Variants in KIAA1328 observed in about 807,000 individuals in gnomAD.
KIAA1328 encodes KIAA1328, also known as protein hinderin.
KIAA1328 carries 52 observed loss-of-function variants against 68.1 expected under a neutral mutation model. The observed-to-expected ratio is 0.76, with a 90% CI of 0.61 to 0.96. The LOEUF (loss-of-function observed/expected upper bound fraction) is 0.96, where lower values mean the gene tolerates loss of function less well. KIAA1328 is among the 40% of genes least tolerant of loss of function. KIAA1328 has a pLI of 0.00. For missense variants in KIAA1328, 641 were observed against 677.6 expected (o/e 0.95, Z 0.60); for synonymous variants, 232 against 239.4 (o/e 0.97, Z 0.28).
At chr18:37,052,310 C>G (rs1171696557) in intron 6 of KIAA1328, among the ~76,000 whole-genome samples, 1 of 151,804 alleles carries the variant, frequency 6.6e-6, no homozygotes, top group Non-Finnish European at 1.5e-5. Context: ...TGATAAAAAC[C>G]CTCAACAAAC....
intron 7 of KIAA1328, among the ~76,000 whole-genome samples, chr18:37,113,003 A>G (rs2151907995): frequency 6.6e-6 from 1 of 152,320 alleles, no homozygotes; most frequent in Non-Finnish European, 1.5e-5. Flanking sequence ...GAAATATGGG[A>G]CTATGTGAAA....
intron 5 of KIAA1328, among the ~76,000 whole-genome samples, chr18:36,911,388 A>G (rs2049442174): frequency 6.6e-6 from 1 of 152,110 alleles, no homozygotes; most frequent in South Asian, 2.1e-4. Context: ...CTTTACTCTA[A>G]AATACTTAGC....
chr18:37,076,545 G>C (rs2056742576), intron 7 of KIAA1328, among the ~76,000 whole-genome samples: 1 of 151,978 alleles, frequency 6.6e-6, no homozygotes, highest in South Asian at 2.1e-4. Context: ...GAATCCAGGA[G>C]CTGGTTTTTT....
At chr18:36,925,991 CT>C (rs979476339) in intron 5 of KIAA1328, among the ~76,000 whole-genome samples, 69 of 149,532 alleles carry the variant, frequency 4.6e-4, no homozygotes, top group South Asian at 8.5e-4. Flanking sequence ...GTTATCTCAA[CT>C]TTTTTTTTTC....
intron 7 of KIAA1328, among the ~76,000 whole-genome samples, chr18:37,138,126 T>C (rs1397942168): frequency 1.3e-5 from 2 of 152,234 alleles, no homozygotes; most frequent in Admixed American, 6.5e-5. Flanking sequence ...ATAATGATAA[T>C]AATGGAAGCC....
chr18:36,909,517 C>G (rs1458572421), intron 5 of KIAA1328, among the ~76,000 whole-genome samples: 1 of 152,108 alleles, frequency 6.6e-6, no homozygotes, highest in Non-Finnish European at 1.5e-5. Context: ...GCTGCATTTT[C>G]TTAATCCAGT....
chr18:36,985,032 G>C (rs575624803), intron 6 of KIAA1328, among the ~76,000 whole-genome samples: 68 of 152,150 alleles, frequency 4.5e-4, no homozygotes, highest in Non-Finnish European at 2.1e-4. Flanking sequence ...TGGGCACACA[G>C]TGGCTCACAC....
chr18:36,846,977 T>C (rs1296123616), intron 4 of KIAA1328, among the ~76,000 whole-genome samples: 1 of 151,590 alleles, frequency 6.6e-6, no homozygotes, highest in African/African-American at 2.4e-5. Flanking sequence ...CTTTTCTGTG[T>C]GTCTCTATAA....
chr18:36,850,872 G>A (rs1281445264), intron 4 of KIAA1328, among the ~76,000 whole-genome samples: 1 of 152,156 alleles, frequency 6.6e-6, no homozygotes, highest in Non-Finnish European at 1.5e-5. Context: ...AGTGGCAGAA[G>A]CAGGCATTTG....
chr18:37,212,405 C>CCTAGGA (rs1479188822), intron 9 of KIAA1328, among the ~76,000 whole-genome samples: 1 of 152,042 alleles, frequency 6.6e-6, no homozygotes, highest in African/African-American at 2.4e-5. Context: ...TCGAATCTTG[C>CCTAGGA]CTAGGACTTG....
chr18:37,122,449 G>A (rs948776131), intron 7 of KIAA1328, among the ~76,000 whole-genome samples: 1 of 152,108 alleles, frequency 6.6e-6, no homozygotes, highest in African/African-American at 2.4e-5. Flanking sequence ...GTTAAGTCAA[G>A]TAAGTCACAA....
chr18:37,174,273 A>G (rs1031379987), intron 9 of KIAA1328, among the ~76,000 whole-genome samples: 1 of 152,172 alleles, frequency 6.6e-6, no homozygotes, highest in Non-Finnish European at 1.5e-5. Context: ...GTAATCTTAA[A>G]TATTGTAACA....
chr18:36,913,414 AT>A (rs556733047), intron 5 of KIAA1328, among the ~76,000 whole-genome samples: 10 of 144,542 alleles, frequency 6.9e-5, no homozygotes, highest in Admixed American at 1.4e-4. Context: ...TTGGGGATTC[AT>A]TTTTTTTTTG....
chr18:36,995,954 A>G (rs560239880), intron 6 of KIAA1328, among the ~76,000 whole-genome samples: 1 of 152,340 alleles, frequency 6.6e-6, no homozygotes, highest in Admixed American at 6.5e-5. Flanking sequence ...GACAGCAATA[A>G]TAATGATTAC....
chr18:37,033,709 G>T (rs1022150574), intron 6 of KIAA1328, among the ~76,000 whole-genome samples: 1 of 152,176 alleles, frequency 6.6e-6, no homozygotes, highest in African/African-American at 2.4e-5. Context: ...CTGTTTTTCT[G>T]TGTAGCACTC....
intron 5 of KIAA1328, among the ~76,000 whole-genome samples, chr18:36,941,072 C>T (rs894123967): frequency 6.6e-6 from 1 of 152,126 alleles, no homozygotes; most frequent in African/African-American, 2.4e-5. Context: ...GTCAGTTGGA[C>T]GTTTACTCAC....
chr18:37,211,286 A>G (rs2060311079), intron 9 of KIAA1328, among the ~76,000 whole-genome samples: 1 of 152,198 alleles, frequency 6.6e-6, no homozygotes. Context: ...CTGTGACTCC[A>G]TTTAGTTCAC....
intron 4 of KIAA1328, among the ~76,000 whole-genome samples, chr18:36,869,729 G>C (rs2047880821): frequency 6.6e-6 from 1 of 152,172 alleles, no homozygotes; most frequent in South Asian, 2.1e-4. Context: ...ACTGAGCTAA[G>C]GGAAGGGAGA....
chr18:37,164,147 C>T (rs143303008), intron 8 of KIAA1328, among the ~76,000 whole-genome samples: 2 of 152,218 alleles, frequency 1.3e-5, no homozygotes, highest in South Asian at 2.1e-4. Flanking sequence ...GTATCTTCTC[C>T]GTCAGAATAT....
Sources: allele counts gnomAD v4.1 joint callset (sites outside exome capture counted in the v4.1 genomes callset), GRCh38; gene constraint gnomAD v4.1.1; transcripts MANE v1.5; gene names NCBI Gene and HGNC (gene_info 2026-07-23, HGNC 2026-07-21).